CADM2: variants seen among roughly 807,000 people sequenced by gnomAD.
CADM2 encodes cell adhesion molecule 2.
Under a neutral mutation model 49.8 loss-of-function variants are expected in CADM2, and 12 were observed. The observed-to-expected ratio is 0.24, with a 90% CI of 0.15 to 0.39. CADM2 has a LOEUF of 0.39. Among genes scored for constraint, CADM2 ranks in the 10% least tolerant of loss-of-function variants. The probability of loss-of-function intolerance (pLI) is 1.00; values close to 1 mark genes in which losing one functional copy is unlikely to be tolerated. For synonymous variants in CADM2, 214 were observed against 175.4 expected (o/e 1.22, Z -1.74); for missense variants, 378 against 492.3 (o/e 0.77, Z 2.20).
At chr3:85,528,927 G>A (rs55939743) in intron 1 of CADM2, among the ~76,000 whole-genome samples, 78,152 of 152,034 alleles carry the variant, frequency 0.51, 23,121 homozygotes, top group East Asian at 0.85. Flanking sequence ...TTCTCTTTTT[G>A]ATAGAAAGAG....
intron 1 of CADM2, among the ~76,000 whole-genome samples, chr3:85,622,452 T>C (rs1443696686): frequency 6.6e-6 from 1 of 152,198 alleles, no homozygotes; most frequent in Non-Finnish European, 1.5e-5. Context: ...TTGCTGTTAA[T>C]GAACTTGTGA....
At chr3:85,044,182 T>G (rs912452065) in intron 1 of CADM2, among the ~76,000 whole-genome samples, 1 of 152,170 alleles carries the variant, frequency 6.6e-6, no homozygotes, top group Non-Finnish European at 1.5e-5. Flanking sequence ...TGACTTAAGA[T>G]GAATAGATTC....
Position 86,073,743 on chromosome 3 carries a change from G to GTCAT in CADM2, c.*6962_*6965dup, listed in dbSNP as rs1703402876. The GTCAT allele has an allele frequency of 6.7e-6, 1 of 150,306 alleles. No homozygotes were observed. The highest frequency in any genetic ancestry group is 2.1e-4 in the South Asian group (1 of 4,784). 9.3% of individuals were successfully genotyped at this position (150,306 alleles called of 1,614,324 possible). On this transcript the variant is annotated 3_prime_UTR_variant, in exon 10 of 10. Coordinates refer to ENST00000383699, the MANE Select transcript of CADM2 (RefSeq NM_001167675.2). ...GGAACTTTCTTTTTTCCAGTGACAG[G>GTCAT]TCATTAAATCGATGGTACAAAACAT...
At chr3:85,076,734 G>A (rs543918919) in intron 1 of CADM2, among the ~76,000 whole-genome samples, 45 of 152,242 alleles carry the variant, frequency 3.0e-4, no homozygotes, top group African/African-American at 1.1e-3. Flanking sequence ...CACTTTGAGA[G>A]GTCGAGGTGT....
At chr3:85,168,961 T>G (rs2040546765) in intron 1 of CADM2, among the ~76,000 whole-genome samples, 1 of 152,024 alleles carries the variant, frequency 6.6e-6, no homozygotes, top group Non-Finnish European at 1.5e-5. Flanking sequence ...ATTTATTTAT[T>G]TATTTATTTG....
chr3:85,251,497 CTAATA>C (rs2042774053), intron 1 of CADM2, among the ~76,000 whole-genome samples: 1 of 151,602 alleles, frequency 6.6e-6, no homozygotes, highest in African/African-American at 2.4e-5. Flanking sequence ...TTCTCATGAA[CTAATA>C]TAAGATTACT....
intron 8 of CADM2, among the ~76,000 whole-genome samples, chr3:85,995,677 C>T (rs1014170551): frequency 6.6e-6 from 1 of 151,982 alleles, no homozygotes; most frequent in Non-Finnish European, 1.5e-5. Flanking sequence ...TCCTTTCTTC[C>T]AAAATGATTA....
chr3:85,572,894 TACTC>T (rs921370570), intron 1 of CADM2, among the ~76,000 whole-genome samples: 1 of 152,158 alleles, frequency 6.6e-6, no homozygotes, highest in African/African-American at 2.4e-5. Context: ...TCTGGAAACA[TACTC>T]ACAGACACAC....
chr3:84,975,413 A>C (rs1209124269), intron 1 of CADM2, among the ~76,000 whole-genome samples: 1 of 151,802 alleles, frequency 6.6e-6, no homozygotes, highest in Non-Finnish European at 1.5e-5. Flanking sequence ...CATCCGGTGT[A>C]CTGTATAAGC....
chr3:85,841,103 C>A (rs2108263320), intron 3 of CADM2, among the ~76,000 whole-genome samples: 2 of 151,642 alleles, frequency 1.3e-5, no homozygotes, highest in South Asian at 2.1e-4. Flanking sequence ...AAAGTAAATG[C>A]CCAATTAGAG....
At chr3:85,791,536 GAGAGAGAA>G (rs1479662717) in intron 2 of CADM2, among the ~76,000 whole-genome samples, 2 of 144,878 alleles carry the variant, frequency 1.4e-5, no homozygotes, top group South Asian at 2.2e-4. Flanking sequence ...GAGAGAGAGA[GAGAGAGAA>G]AGAGAGAGAG....
intron 1 of CADM2, among the ~76,000 whole-genome samples, chr3:85,302,224 T>C (rs1385158426): frequency 1.3e-5 from 2 of 152,090 alleles, no homozygotes; most frequent in Non-Finnish European, 2.9e-5. Context: ...TTTTCGTTTT[T>C]CATAATTTTA....
At chr3:85,961,855 T>A (rs1724863113) in intron 8 of CADM2, among the ~76,000 whole-genome samples, 1 of 151,974 alleles carries the variant, frequency 6.6e-6, no homozygotes, top group Non-Finnish European at 1.5e-5. Context: ...ACATAAAATT[T>A]TTTTTTGTAA....
chr3:85,655,971 CT>C (rs10683634), intron 1 of CADM2, among the ~76,000 whole-genome samples: 119 of 148,216 alleles, frequency 8.0e-4, no homozygotes, highest in African/African-American at 2.1e-3. Flanking sequence ...CCAAAAGTTC[CT>C]TTTTTTTTTT....
chr3:85,936,778 C>T (rs1721228919), intron 7 of CADM2, among the ~76,000 whole-genome samples: 1 of 151,672 alleles, frequency 6.6e-6, no homozygotes, highest in South Asian at 2.1e-4. Context: ...AAGATAGATG[C>T]CTGGCACTTT....
chr3:85,995,091 CAAACAGA>C (rs2108718788), intron 8 of CADM2, among the ~76,000 whole-genome samples: 1 of 143,108 alleles, frequency 7.0e-6, no homozygotes, highest in African/African-American at 2.6e-5. Context: ...ATAGGCTACA[CAAACAGA>C]CAACAGCTGT....
chr3:85,301,170 A>C (rs2044090612), intron 1 of CADM2, among the ~76,000 whole-genome samples: 1 of 152,066 alleles, frequency 6.6e-6, no homozygotes, highest in Admixed American at 6.6e-5. Context: ...ACATTTCAGG[A>C]GGTACCATGC....
intron 1 of CADM2, among the ~76,000 whole-genome samples, chr3:85,206,710 T>C (rs1224608225): frequency 6.6e-6 from 1 of 152,128 alleles, no homozygotes; most frequent in African/African-American, 2.4e-5. Context: ...TGTCTTTTTT[T>C]CTGTTTTAAG....
chr3:85,400,525 T>C (rs2035047817), intron 1 of CADM2, among the ~76,000 whole-genome samples: 1 of 152,210 alleles, frequency 6.6e-6, no homozygotes, highest in Non-Finnish European at 1.5e-5. Flanking sequence ...GAAGGAATGG[T>C]ACCAGCTCCT....
Sources: gnomAD v4.1 joint callset for allele counts (sites outside exome capture counted in the v4.1 genomes callset) on GRCh38, gnomAD v4.1.1 for gene constraint, MANE v1.5 for transcripts, NCBI Gene and HGNC (gene_info 2026-07-23, HGNC 2026-07-21) for gene names.